The following GABRG3 variants were observed in gnomAD, a reference collection of about 807,000 sequenced individuals.
The protein encoded by GABRG3 is gamma-aminobutyric acid receptor subunit gamma-3.
GABRG3 carries 25 observed loss-of-function variants against 48.8 expected under a neutral mutation model. That is an observed-to-expected ratio of 0.51 (90% CI 0.37 to 0.72). The LOEUF (loss-of-function observed/expected upper bound fraction) is 0.72, where lower values mean the gene tolerates loss of function less well. Among genes scored for constraint, GABRG3 ranks in the 30% least tolerant of loss-of-function variants. The pLI, the probability that GABRG3 is intolerant of heterozygous loss-of-function variation, is 0.00. For missense variants in GABRG3, 394 were observed against 577.9 expected, an observed-to-expected ratio of 0.68 and a Z score of 3.26; for synonymous variants, 227 against 217.6, an observed-to-expected ratio of 1.04 and a Z score of -0.38.
intron 3 of GABRG3, among the ~76,000 whole-genome samples, chr15:27,101,122 A>G (rs1326683382): frequency 2.0e-5 from 3 of 152,250 alleles, no homozygotes; most frequent in African/African-American, 7.2e-5. Context: ...CTCTGGATAA[A>G]AGATTATCAC....
At position 27,231,122 on chromosome 15, in the gene GABRG3, C is replaced by G. The variant is rs59723936; in HGVS notation, c.271-95687C>G. On this transcript the variant is annotated intron_variant, in intron 3 of 9. Coordinates refer to ENST00000615808, the MANE Select transcript of GABRG3 (RefSeq NM_033223.5). ...AAAACACTTATTCTATAGGAAATAT[C>G]AAATATCCATATCTCAAACCTACGT... Among the ~76,000 whole-genome samples, 867 of 151,052 alleles carry G rather than the reference C, an allele frequency of 5.7e-3. 7 individuals are homozygous for G. The highest frequency in any genetic ancestry group is 0.02 in the African/African-American group (837 of 41,146).
intron 3 of GABRG3, among the ~76,000 whole-genome samples, chr15:27,185,334 G>A (rs1305487045): frequency 6.6e-6 from 1 of 151,936 alleles, no homozygotes; most frequent in Non-Finnish European, 1.5e-5. Flanking sequence ...CATGTGTTTG[G>A]ATATTTCCCT....
At chr15:27,358,608 C>T (rs1473847249) in intron 5 of GABRG3, among the ~76,000 whole-genome samples, 2 of 151,980 alleles carry the variant, frequency 1.3e-5, no homozygotes, top group Admixed American at 6.6e-5. Flanking sequence ...TCCTTCCTGC[C>T]GGGTTCCACC....
At position 27,518,195 on chromosome 15, in the gene GABRG3, C is replaced by CAAAAAAAAAAAAAAAAAAA. The variant is rs58222645; in HGVS notation, c.713-1774_713-1756dup. Among the ~76,000 whole-genome samples, 99 of 88,018 alleles carry CAAAAAAAAAAAAAAAAAAA rather than the reference C, an allele frequency of 1.1e-3. 1 individual carries two copies. Among genetic ancestry groups the CAAAAAAAAAAAAAAAAAAA allele is most frequent in the African/African-American group, 3.9e-3 (91 of 23,458 alleles). The allele number at this position is 88,018 out of a possible 152,430, so 57.7% of individuals were successfully genotyped here. On this transcript the variant is annotated intron_variant, in intron 6 of 9. Transcript: ENST00000615808. ...TGAAACCCCAACTCTACTAAAAATACAAAAAAAAAAAAAAAAAAAAAGAAT... is the reference window on the plus strand; with the variant it reads ...TGAAACCCCAACTCTACTAAAAATACAAAAAAAAAAAAAAAAAAAAAAAAAAAAAAAAAAAAAAAAGAAT...
At chr15:27,085,169 G>C (rs2140748109) in intron 3 of GABRG3, among the ~76,000 whole-genome samples, 1 of 152,324 alleles carries the variant, frequency 6.6e-6, no homozygotes, top group Non-Finnish European at 1.5e-5. Context: ...ACTTGTGTGA[G>C]AACCCTGGAG....
rs144051174 is a variant in GABRG3 at position 27,210,701 on chromosome 15, G to C, written c.271-116108G>C. Among the ~76,000 whole-genome samples, 380 of 152,312 alleles carry C rather than the reference G, an allele frequency of 2.5e-3. 3 individuals carry two copies. The highest frequency in any genetic ancestry group is 8.9e-3 in the African/African-American group (368 of 41,574). ...AACACTGCCATTTTGGAAGTCAAGT[G>C]TCAGCAGGGTGGGAGGTGTGGTGTT... On this transcript the variant is annotated intron_variant, in intron 3 of 9. Coordinates refer to ENST00000615808, the MANE Select transcript of GABRG3 (RefSeq NM_033223.5).
At chr15:27,518,308 G>T (rs564066430) in intron 6 of GABRG3, among the ~76,000 whole-genome samples, 1 of 149,918 alleles carries the variant, frequency 6.7e-6, no homozygotes, top group African/African-American at 2.5e-5. Context: ...GGCGGAGGTT[G>T]CAGTGAGCCA....
chr15:27,306,027 G>A (rs1166835734), intron 3 of GABRG3, among the ~76,000 whole-genome samples: 1 of 79,550 alleles, frequency 1.3e-5, no homozygotes, highest in Non-Finnish European at 2.2e-5. Flanking sequence ...AAACCTATAT[G>A]TTTATATATA....
chr15:27,343,014 C>G (rs1194288727), intron 5 of GABRG3, among the ~76,000 whole-genome samples: 1 of 152,248 alleles, frequency 6.6e-6, no homozygotes, highest in African/African-American at 2.4e-5. Flanking sequence ...CCTCTCAAAA[C>G]AGACTTGCTA....
intron 7 of GABRG3, among the ~76,000 whole-genome samples, chr15:27,521,038 C>T (rs1411604878): frequency 1.3e-5 from 2 of 151,940 alleles, no homozygotes; most frequent in African/African-American, 2.4e-5. Flanking sequence ...ACACAGATTT[C>T]GTGACTAACC....
intron 5 of GABRG3, among the ~76,000 whole-genome samples, chr15:27,342,819 C>T (rs1036262722): frequency 2.0e-5 from 3 of 152,198 alleles, no homozygotes; most frequent in African/African-American, 7.2e-5. Context: ...ACCAGGGGCT[C>T]CTGGACGCAG....
intron 3 of GABRG3, among the ~76,000 whole-genome samples, chr15:27,302,291 C>T (rs1340476293): frequency 1.3e-5 from 2 of 152,046 alleles, no homozygotes; most frequent in African/African-American, 4.8e-5. Flanking sequence ...ATTAGCTATA[C>T]ATTCCAAATG....
At chr15:27,184,893 A>G (rs1888044675) in intron 3 of GABRG3, among the ~76,000 whole-genome samples, 1 of 149,746 alleles carries the variant, frequency 6.7e-6, no homozygotes. Context: ...CCTGTGGTTC[A>G]CTCCTGATAT....
chr15:27,086,295 C>T (rs1294772491), intron 3 of GABRG3, among the ~76,000 whole-genome samples: 2 of 152,062 alleles, frequency 1.3e-5, no homozygotes. Context: ...CAGCCTGCTC[C>T]TACTGGGGAC....
chr15:27,122,515 C>T (rs1335514746), intron 3 of GABRG3, among the ~76,000 whole-genome samples: 1 of 152,216 alleles, frequency 6.6e-6, no homozygotes, highest in Non-Finnish European at 1.5e-5. Flanking sequence ...CAGATTATTC[C>T]ATGTGTGGAG....
At chr15:26,985,853 G>C (rs1048396860) in intron 2 of GABRG3, among the ~76,000 whole-genome samples, 1 of 152,154 alleles carries the variant, frequency 6.6e-6, no homozygotes, top group Non-Finnish European at 1.5e-5. Context: ...GATTGTTTCC[G>C]TATTTTAAGA....
intron 3 of GABRG3, among the ~76,000 whole-genome samples, chr15:27,291,854 T>A (rs556401953): frequency 6.6e-6 from 1 of 152,256 alleles, no homozygotes; most frequent in South Asian, 2.1e-4. Flanking sequence ...TTCAATAAAT[T>A]TGGGTATTGA....
chr15:26,980,256 A>G (rs946975684), intron 2 of GABRG3, among the ~76,000 whole-genome samples: 1 of 152,240 alleles, frequency 6.6e-6, no homozygotes, highest in East Asian at 1.9e-4. Context: ...TTAAAGAACC[A>G]ACTTTTTGTA....
intron 3 of GABRG3, among the ~76,000 whole-genome samples, chr15:27,043,873 C>A (rs530226776): frequency 2.0e-5 from 3 of 152,158 alleles, no homozygotes; most frequent in Admixed American, 6.5e-5. Context: ...GCAGTCCTCC[C>A]GAGGCTGGGC....
Sources: gnomAD v4.1 joint callset for allele counts (sites outside exome capture counted in the v4.1 genomes callset) on GRCh38, gnomAD v4.1.1 for gene constraint, MANE v1.5 for transcripts, NCBI Gene and HGNC (gene_info 2026-07-23, HGNC 2026-07-21) for gene names.